MLXIP: variants seen among roughly 807,000 people sequenced by gnomAD.
The protein encoded by MLXIP is MLX interacting protein, also known as MLX-interacting protein.
In MLXIP, 30 loss-of-function variants were observed where a neutral mutation model predicts 87.2. The observed-to-expected ratio is 0.34, with a 90% confidence interval of 0.26 to 0.47. MLXIP has a LOEUF of 0.47. MLXIP is among the 20% of genes least tolerant of loss of function. MLXIP has a pLI of 1.00. For synonymous variants in MLXIP, 530 were observed against 514.0 expected (o/e 1.03, Z -0.42); for missense variants, 1,002 against 1,240.1 (o/e 0.81, Z 2.88).
intron 1 of MLXIP, among the ~76,000 whole-genome samples, chr12:122,082,447 G>A (rs549572080): frequency 6.6e-6 from 1 of 152,360 alleles, no homozygotes; most frequent in East Asian, 1.9e-4. Flanking sequence ...CAAGGTGGAA[G>A]TGAGGATCAG....
chr12:122,118,246 C>T (rs1446988451), intron 1 of MLXIP, among the ~76,000 whole-genome samples: 1 of 143,164 alleles, frequency 7.0e-6, no homozygotes, highest in Non-Finnish European at 1.5e-5. Context: ...AAATGGTGCA[C>T]GGTTTAGGAT....
chr12:122,122,687 G>T (rs1196200649), intron 1 of MLXIP, among the ~76,000 whole-genome samples: 1 of 151,820 alleles, frequency 6.6e-6, no homozygotes, highest in African/African-American at 2.4e-5. Context: ...GAGTACAGGC[G>T]CCCGCCACCA....
chr12:122,085,300 G>A (rs562685759), intron 1 of MLXIP, among the ~76,000 whole-genome samples: 9 of 152,172 alleles, frequency 5.9e-5, no homozygotes, highest in Admixed American at 2.6e-4. Context: ...TTTGACTTCC[G>A]CGCTAAGCCT....
At chr12:122,089,792 G>C (rs1354363815) in intron 1 of MLXIP, among the ~76,000 whole-genome samples, 1 of 152,148 alleles carries the variant, frequency 6.6e-6, no homozygotes, top group South Asian at 2.1e-4. Flanking sequence ...TTGTTTTCTT[G>C]ACATGTTTTT....
At chr12:122,108,310 G>A (rs1367410191) in intron 1 of MLXIP, among the ~76,000 whole-genome samples, 3 of 146,308 alleles carry the variant, frequency 2.1e-5, no homozygotes, top group Non-Finnish European at 4.5e-5. Context: ...AGAGGTTGCA[G>A]TGAGCTGAGA....
At chr12:122,134,939 G>T (rs11057291) in intron 9 of MLXIP, 8,259 of 388,040 alleles carry the variant, frequency 0.021, 132 homozygotes, top group Non-Finnish European at 0.032. Flanking sequence ...CTCCCAAGGT[G>T]CTGGGATTAC....
At chr12:122,113,708 G>A (rs1952640839) in intron 1 of MLXIP, among the ~76,000 whole-genome samples, 2 of 35,252 alleles carry the variant, frequency 5.7e-5, no homozygotes, top group South Asian at 7.9e-4. Flanking sequence ...TTTTTGAGAC[G>A]GAGTCTCGCT....
chr12:122,138,584 C>T (rs1278340758), intron 14 of MLXIP, 33 bp downstream of exon 14: 9 of 1,591,312 alleles, frequency 5.7e-6, no homozygotes, highest in Non-Finnish European at 6.0e-6. Flanking sequence ...TCCAACCAGG[C>T]ACCCCATCCC....
At chr12:122,121,603 G>C (rs1402327361) in intron 1 of MLXIP, among the ~76,000 whole-genome samples, 1 of 152,038 alleles carries the variant, frequency 6.6e-6, no homozygotes, top group Non-Finnish European at 1.5e-5. Context: ...AATGGTCTGA[G>C]CAGGAGTCAG....
Position 122,142,493 on chromosome 12 carries a change from G to A in MLXIP, c.*681G>A, listed in dbSNP as rs1953227899. 2.8e-6 allele frequency: 1 copy of A among 360,818 alleles called. No homozygotes were observed. Among genetic ancestry groups the A allele is most frequent in the African/African-American group, 2.1e-5 (1 of 47,148 alleles). The allele number at this position is 360,818 out of a possible 1,614,324, so 22.4% of individuals were successfully genotyped here. A position where few individuals can be genotyped will look rare whatever the true frequency, so the allele number is the denominator to read the frequency against. ...CGTGTGATGCACGGTGGCTGCTCTG[G>A]CTGAGAGGCCCTGCTGGGCATGTTT... On this transcript the variant is annotated 3_prime_UTR_variant, in exon 17 of 17. Coordinates refer to ENST00000319080, the MANE Select transcript of MLXIP (RefSeq NM_014938.6).
intron 1 of MLXIP, among the ~76,000 whole-genome samples, chr12:122,105,083 TTTTGG>T (rs1952499322): frequency 1.3e-5 from 2 of 152,264 alleles, no homozygotes; most frequent in African/African-American, 4.8e-5. Context: ...GGTGAAACAT[TTTTGG>T]TGGGTGCCTC....
intron 1 of MLXIP, among the ~76,000 whole-genome samples, chr12:122,088,544 C>CT (rs1278730285): frequency 5.3e-5 from 8 of 152,134 alleles, no homozygotes; most frequent in Non-Finnish European, 1.2e-4. Flanking sequence ...GGAGGAAAGG[C>CT]TGAGGAGTCA....
intron 1 of MLXIP, among the ~76,000 whole-genome samples, chr12:122,101,871 G>T (rs967734380): frequency 1.3e-5 from 2 of 152,116 alleles, no homozygotes; most frequent in Non-Finnish European, 2.9e-5. Flanking sequence ...GAGCCACCGC[G>T]CCCGGCCTTC....
chr12:122,087,447 G>A (rs754399515), intron 1 of MLXIP, among the ~76,000 whole-genome samples: 4 of 152,144 alleles, frequency 2.6e-5, no homozygotes, highest in Admixed American at 6.5e-5. Context: ...TCTGGGGGAG[G>A]TGACCTTTCT....
At position 122,142,052 on chromosome 12, in the gene MLXIP, C is replaced by A; in HGVS notation, c.*240C>A. On this transcript the variant is annotated 3_prime_UTR_variant, in exon 17 of 17. Transcript: ENST00000319080. ...AACTCTCTCACTCAGTGACCTCAGT[C>A]ACCAACCTCCTCTGCCCTCGGGGCA... 1.5e-6 allele frequency: 1 copy of A among 670,078 alleles called. No individual in the cohort carries two copies. The highest frequency in any genetic ancestry group is 1.7e-5 in the South Asian group (1 of 58,658). The allele number at this position is 670,078 out of a possible 1,614,324, so 41.5% of individuals were successfully genotyped here.
chr12:122,101,584 C>CTTTTTTTTTTTT (rs371090324), intron 1 of MLXIP, among the ~76,000 whole-genome samples: 8 of 119,014 alleles, frequency 6.7e-5, no homozygotes, highest in South Asian at 2.5e-4. Context: ...CTTTTTTTTT[C>CTTTTTTTTTTTT]TTTTTTTTTT....
intron 1 of MLXIP, 124 bp downstream of exon 1, chr12:122,079,390 C>T: frequency 1.2e-6 from 1 of 864,340 alleles, no homozygotes; most frequent in South Asian, 1.5e-5. Flanking sequence ...CTTCCTCCTT[C>T]GGGAGGGTTT....
chr12:122,085,649 C>CAAG (rs1952158051), intron 1 of MLXIP, among the ~76,000 whole-genome samples: 1 of 152,112 alleles, frequency 6.6e-6, no homozygotes, highest in Admixed American at 6.6e-5. Context: ...TCTTTTCTCA[C>CAAG]TTGCAAGCTA....
rs1429510570 is a variant in MLXIP at position 122,138,289 on chromosome 12, C to T, written c.2250C>T (p.Ser750=). ...TCAACAGCCTCATCTCCAACAATTCCAAGCTGGTGAGTTGCCAAGAGCGTG... is the reference window on the plus strand; with the variant it reads ...TCAACAGCCTCATCTCCAACAATTCTAAGCTGGTGAGTTGCCAAGAGCGTG... The part of the protein sequence containing the change: ...DMLNSLISNN[S]KLTSHAITLQ... Residue 750 remains serine (S), a synonymous_variant, in exon 13 of 17, where the codon TCC becomes TCT. Coordinates refer to ENST00000319080, the MANE Select transcript of MLXIP (RefSeq NM_014938.6). 6.2e-7 allele frequency: 1 copy of T among 1,613,666 alleles called. No individual in the cohort carries two copies. Among genetic ancestry groups the T allele is most frequent in the African/African-American group, 1.3e-5 (1 of 74,934 alleles).
Sources: gnomAD v4.1 joint callset for allele counts (sites outside exome capture counted in the v4.1 genomes callset) on GRCh38, gnomAD v4.1.1 for gene constraint, MANE v1.5 for transcripts, NCBI Gene and HGNC (gene_info 2026-07-23, HGNC 2026-07-21) for gene names.